Variants in DDR2 observed in about 807,000 individuals in gnomAD.
DDR2 encodes the protein discoidin domain-containing receptor 2.
A neutral mutation model predicts 94.9 loss-of-function variants in DDR2; 27 were observed. The ratio of observed to expected loss-of-function variants is 0.28; its 90% CI spans 0.21 to 0.39. The LOEUF is 0.39. Ranked by LOEUF, DDR2 falls within the 10% of genes least tolerant of loss-of-function variation. The pLI, the probability that DDR2 is intolerant of heterozygous loss-of-function variation, is 1.00. For synonymous variants in DDR2, 382 were observed against 377.2 expected (o/e 1.01, Z -0.15); for missense variants, 783 against 1,076.0 (o/e 0.73, Z 3.81).
At chr1:162,691,650 C>G (rs934797621) in intron 2 of DDR2, among the ~76,000 whole-genome samples, 2 of 152,142 alleles carry the variant, frequency 1.3e-5, no homozygotes, top group Non-Finnish European at 2.9e-5. Flanking sequence ...TGATTTGTAC[C>G]TTTTGCTGAT....
intron 3 of DDR2, among the ~76,000 whole-genome samples, chr1:162,744,265 CT>C (rs1662746545): frequency 6.6e-6 from 1 of 152,176 alleles, no homozygotes; most frequent in Non-Finnish European, 1.5e-5. Flanking sequence ...ACGTATTAAT[CT>C]TGTATAACCG....
chr1:162,707,486 C>G (rs1429217188), intron 2 of DDR2, among the ~76,000 whole-genome samples: 1 of 152,164 alleles, frequency 6.6e-6, no homozygotes, highest in East Asian at 1.9e-4. Flanking sequence ...TCTTCATGGT[C>G]TTTCCTAAAG....
intron 2 of DDR2, among the ~76,000 whole-genome samples, chr1:162,717,022 T>A (rs971003466): frequency 2.6e-4 from 39 of 152,218 alleles, no homozygotes; most frequent in Non-Finnish European, 1.5e-4. Flanking sequence ...GGGAATTTTT[T>A]AAAAATCACT....
chr1:162,775,738 A>T lies in DDR2; in HGVS notation c.1943A>T (p.Asp648Val), dbSNP rs1571324061. 1 of 1,614,010 alleles carries T rather than the reference A, an allele frequency of 6.2e-7. No individual in the cohort carries two copies. Among genetic ancestry groups the T allele is most frequent in the Non-Finnish European group, 8.5e-7 (1 of 1,179,998 alleles). ...IHLLAVCITD[D>V]PLCMITEYME... ...CTATTAGCTGTGTGTATCACTGATGACCCTCTCTGTATGATCACTGAATAC... is the reference window on the plus strand; with the variant it reads ...CTATTAGCTGTGTGTATCACTGATGTCCCTCTCTGTATGATCACTGAATAC... The change falls in exon 15 of 18, where the codon GAC becomes GTC. Residue 648 changes from aspartate (D) to valine (V), a missense_variant. Asp to Val is a radical substitution (Grantham distance 152, BLOSUM62 -3). Coordinates refer to ENST00000367921, the MANE Select transcript of DDR2 (RefSeq NM_006182.4).
intron 13 of DDR2, 21 bp downstream of exon 13, chr1:162,772,268 C>T: frequency 6.2e-7 from 1 of 1,610,868 alleles, no homozygotes; most frequent in Non-Finnish European, 8.5e-7. Flanking sequence ...TCTTTGATTC[C>T]CTTATAGCTC....
At chr1:162,758,900 A>T (rs1006302128) in intron 7 of DDR2, among the ~76,000 whole-genome samples, 1 of 152,170 alleles carries the variant, frequency 6.6e-6, no homozygotes, top group Non-Finnish European at 1.5e-5. Flanking sequence ...GAAGTTCCAC[A>T]TGATGGTTTT....
chr1:162,692,247 T>C (rs1659990875), intron 2 of DDR2, among the ~76,000 whole-genome samples: 1 of 152,190 alleles, frequency 6.6e-6, no homozygotes, highest in Admixed American at 6.5e-5. Flanking sequence ...TACTCATCCT[T>C]CTTTATGAAT....
intron 1 of DDR2, among the ~76,000 whole-genome samples, chr1:162,638,888 A>G (rs1333744855): frequency 6.6e-6 from 1 of 152,238 alleles, no homozygotes; most frequent in Non-Finnish European, 1.5e-5. Flanking sequence ...TGGAAATTAA[A>G]AATAAGTCCT....
At chr1:162,766,705 TG>T (rs1211560700) in intron 10 of DDR2, among the ~76,000 whole-genome samples, 1 of 152,120 alleles carries the variant, frequency 6.6e-6, no homozygotes, top group African/African-American at 2.4e-5. Context: ...GGGAGACTAC[TG>T]TCTTATGGAA....
At position 162,753,205 on chromosome 1, in the gene DDR2, T is replaced by C. The variant is rs754817039; in HGVS notation, c.185+8T>C. ...AGCTGCCAAATATGGAAGGTGAGGA[T>C]GGTTACATCAAGAAAGCCCATGTTC... is the stretch of plus-strand genomic sequence containing the variant. On this transcript the variant is annotated splice_region_variant and intron_variant, in intron 4 of 17. Coordinates refer to ENST00000367921, the MANE Select transcript of DDR2 (RefSeq NM_006182.4). The C allele has an allele frequency of 3.7e-6, 6 of 1,611,578 alleles. No homozygotes were observed. In the Admixed American group the frequency reaches 1.0e-4, roughly 27 times the overall value.
chr1:162,669,410 A>G (rs1658727287), intron 2 of DDR2, among the ~76,000 whole-genome samples: 1 of 152,222 alleles, frequency 6.6e-6, no homozygotes, highest in African/African-American at 2.4e-5. Flanking sequence ...TTAGAATTTT[A>G]AGTAAGTTGA....
chr1:162,756,951 C>A (rs1663492801), intron 7 of DDR2, among the ~76,000 whole-genome samples: 1 of 152,132 alleles, frequency 6.6e-6, no homozygotes, highest in South Asian at 2.1e-4. Flanking sequence ...GGAATTTGGC[C>A]AGGCATGTTA....
In DDR2 at chr1:162,719,020, T is replaced by A. The variant is rs1420158329; in HGVS notation, c.-27-17T>A. 1.2e-6 allele frequency: 2 copies of A among 1,610,446 alleles called. No homozygotes were observed. The highest frequency in any genetic ancestry group is 4.5e-5 in the East Asian group (2 of 44,840). ...CTCCTTCTCTTTCTGTTTTCTTGCA[T>A]TATTGGTTGGTGGCAGACTCCAGTT... On this transcript the variant is annotated splice_polypyrimidine_tract_variant and intron_variant, in intron 2 of 17. Coordinates refer to ENST00000367921, the MANE Select transcript of DDR2 (RefSeq NM_006182.4).
intron 2 of DDR2, among the ~76,000 whole-genome samples, chr1:162,678,006 T>G (rs1659221017): frequency 1.3e-5 from 2 of 152,152 alleles, no homozygotes; most frequent in South Asian, 4.1e-4. Flanking sequence ...TTTGGGCAAC[T>G]TGTAGGGAAG....
intron 1 of DDR2, among the ~76,000 whole-genome samples, chr1:162,642,215 C>T (rs946436210): frequency 5.9e-5 from 9 of 152,086 alleles, no homozygotes; most frequent in Non-Finnish European, 1.3e-4. Context: ...CCATGGCTTC[C>T]CAAAGTGTTG....
chr1:162,700,675 C>G (rs1479973741), intron 2 of DDR2, among the ~76,000 whole-genome samples: 1 of 152,082 alleles, frequency 6.6e-6, no homozygotes, highest in African/African-American at 2.4e-5. Context: ...TACATTGTAA[C>G]CAAAATTTTG....
chr1:162,753,802 A>G (rs1558066055), intron 4 of DDR2, among the ~76,000 whole-genome samples: 1 of 152,210 alleles, frequency 6.6e-6, no homozygotes, highest in Non-Finnish European at 1.5e-5. Flanking sequence ...GTTGGACCCA[A>G]TACTCTACCT....
intron 2 of DDR2, among the ~76,000 whole-genome samples, chr1:162,656,916 A>C (rs542892889): frequency 7.8e-6 from 1 of 128,210 alleles, no homozygotes; most frequent in East Asian, 2.6e-4. Context: ...ATCTTGTGCA[A>C]TCTTGGCTCA....
intron 2 of DDR2, among the ~76,000 whole-genome samples, chr1:162,697,491 G>A (rs1660246324): frequency 6.6e-6 from 1 of 152,170 alleles, no homozygotes; most frequent in Non-Finnish European, 1.5e-5. Context: ...TGCTAACCTG[G>A]ACTGTTTCTT....
Sources: gnomAD v4.1 joint callset for allele counts (sites outside exome capture counted in the v4.1 genomes callset) on GRCh38, gnomAD v4.1.1 for gene constraint, MANE v1.5 for transcripts, NCBI Gene and HGNC (gene_info 2026-07-23, HGNC 2026-07-21) for gene names.